The following BTRC variants were observed in gnomAD, a reference collection of about 807,000 sequenced individuals.
BTRC encodes F-box/WD repeat-containing protein 1A.
BTRC carries 42 observed loss-of-function variants against 85.5 expected under a neutral mutation model. The ratio of observed to expected loss-of-function variants is 0.49; its 90% CI spans 0.38 to 0.64. The LOEUF (loss-of-function observed/expected upper bound fraction) is 0.64. Ranked by LOEUF, BTRC falls within the 30% of genes least tolerant of loss-of-function variation. BTRC has a pLI of 0.00. For synonymous variants in BTRC, 255 were observed against 263.3 expected, an observed-to-expected ratio of 0.97 and a Z score of 0.30; for missense variants, 594 against 743.5, an observed-to-expected ratio of 0.80 and a Z score of 2.34.
intron 5 of BTRC, 113 bp from the exon 6 acceptor site, chr10:101,525,900 A>T: frequency 9.7e-7 from 1 of 1,027,382 alleles, no homozygotes; most frequent in Non-Finnish European, 1.4e-6. Context: ...CACTAGGGAC[A>T]ATGATGTGCC....
chr10:101,434,986 G>C (rs1029676261), intron 2 of BTRC, among the ~76,000 whole-genome samples: 1 of 151,762 alleles, frequency 6.6e-6, no homozygotes, highest in East Asian at 1.9e-4. Context: ...TTATGTACTG[G>C]TTTTACCCTA....
At chr10:101,359,087 G>C (rs1446300723) in intron 1 of BTRC, among the ~76,000 whole-genome samples, 1 of 152,040 alleles carries the variant, frequency 6.6e-6, no homozygotes, top group Non-Finnish European at 1.5e-5. Context: ...GATCTCCTGC[G>C]TGACTTCCCT....
intron 3 of BTRC, among the ~76,000 whole-genome samples, chr10:101,464,527 C>A: frequency 6.9e-6 from 1 of 144,428 alleles, no homozygotes; most frequent in Non-Finnish European, 1.5e-5. Flanking sequence ...TTTAATTTAA[C>A]AACCTTCCCC....
rs557585455 is a variant in BTRC, at chr10:101,385,353, C to T, written c.48+31125C>T. Among the ~76,000 whole-genome samples, 338 of 120,704 alleles carry T rather than the reference C, an allele frequency of 2.8e-3. 2 individuals carry two copies. The highest frequency in any genetic ancestry group is 0.01 in the African/African-American group (310 of 30,378). The allele number at this position is 120,704 out of a possible 152,430, so 79.2% of individuals were successfully genotyped here. ...CTGCACTCCAGCCTAGGTGACAGAACGAGACTCTGTCTCAAAAAAAAAAAA... is the reference window on the plus strand; with the variant it reads ...CTGCACTCCAGCCTAGGTGACAGAATGAGACTCTGTCTCAAAAAAAAAAAA... On this transcript the variant is annotated intron_variant, in intron 1 of 14. Coordinates refer to ENST00000370187, the MANE Select transcript of BTRC (RefSeq NM_033637.4).
intron 4 of BTRC, among the ~76,000 whole-genome samples, chr10:101,507,333 T>C (rs1197434733): frequency 6.6e-6 from 1 of 152,236 alleles, no homozygotes; most frequent in East Asian, 1.9e-4. Flanking sequence ...CTGTCAGAGT[T>C]TCTCCTATTA....
chr10:101,365,344 A>G (rs917476388), intron 1 of BTRC, among the ~76,000 whole-genome samples: 1 of 147,214 alleles, frequency 6.8e-6, no homozygotes, highest in African/African-American at 2.5e-5. Context: ...AAGTGCTGGG[A>G]TTACTGGCGT....
At chr10:101,401,310 C>T (rs1451848243) in intron 1 of BTRC, among the ~76,000 whole-genome samples, 2 of 152,140 alleles carry the variant, frequency 1.3e-5, no homozygotes, top group Admixed American at 1.3e-4. Context: ...CTTTACTTAG[C>T]ATAAGGTGAT....
intron 3 of BTRC, among the ~76,000 whole-genome samples, chr10:101,466,900 A>G (rs1390476523): frequency 6.6e-6 from 1 of 152,196 alleles, no homozygotes; most frequent in Non-Finnish European, 1.5e-5. Flanking sequence ...GTAGATCCAC[A>G]AAAAACAGCA....
chr10:101,361,440 A>G (rs567381033), intron 1 of BTRC, among the ~76,000 whole-genome samples: 18 of 152,362 alleles, frequency 1.2e-4, no homozygotes, highest in South Asian at 4.1e-4. Flanking sequence ...AGTCCTTTCT[A>G]AATGTGTATA....
intron 6 of BTRC, among the ~76,000 whole-genome samples, chr10:101,529,539 GAAT>G (rs1564828427): frequency 6.6e-6 from 1 of 152,170 alleles, no homozygotes; most frequent in Non-Finnish European, 1.5e-5. Context: ...AGTGTTTGTA[GAAT>G]AATATTGTAC....
chr10:101,360,057 T>A (rs922417044), intron 1 of BTRC, among the ~76,000 whole-genome samples: 13 of 152,054 alleles, frequency 8.5e-5, no homozygotes, highest in Non-Finnish European at 1.3e-4. Context: ...TCTCTTTTTT[T>A]TAAAAAAACT....
At chr10:101,387,713 G>A (rs375856564) in intron 1 of BTRC, among the ~76,000 whole-genome samples, 41 of 149,546 alleles carry the variant, frequency 2.7e-4, no homozygotes, top group Non-Finnish European at 4.0e-4. Flanking sequence ...TTCTTGAGAC[G>A]GAGTCTTGCT....
intron 1 of BTRC, among the ~76,000 whole-genome samples, chr10:101,423,157 T>C: frequency 6.6e-6 from 1 of 152,126 alleles, no homozygotes; most frequent in Non-Finnish European, 1.5e-5. Context: ...CAAGCAGTCC[T>C]CCCACCTTGG....
intron 4 of BTRC, among the ~76,000 whole-genome samples, chr10:101,519,953 C>A (rs2062079381): frequency 6.6e-6 from 1 of 152,182 alleles, no homozygotes; most frequent in Non-Finnish European, 1.5e-5. Context: ...CGAGATCACG[C>A]TATTGCACTC....
At chr10:101,417,835 CTTT>C (rs891852422) in intron 1 of BTRC, among the ~76,000 whole-genome samples, 2 of 152,010 alleles carry the variant, frequency 1.3e-5, no homozygotes, top group African/African-American at 4.8e-5. Flanking sequence ...ACCATGGCTT[CTTT>C]TTTTCCTGTT....
chr10:101,528,182 C>G (rs1173695183), intron 6 of BTRC, among the ~76,000 whole-genome samples: 1 of 152,144 alleles, frequency 6.6e-6, no homozygotes, highest in African/African-American at 2.4e-5. Flanking sequence ...ACATTGTGTT[C>G]CCATTTGGAC....
At chr10:101,512,658 C>G (rs2061971663) in intron 4 of BTRC, among the ~76,000 whole-genome samples, 2 of 152,172 alleles carry the variant, frequency 1.3e-5, no homozygotes, top group Non-Finnish European at 2.9e-5. Flanking sequence ...TCCCTCCTGG[C>G]CCAGGCTGCA....
chr10:101,532,815 GC>G (rs1486411417), intron 8 of BTRC, 136 bp from the exon 9 acceptor site: 1 of 552,190 alleles, frequency 1.8e-6, no homozygotes, highest in Non-Finnish European at 3.1e-6. Context: ...CGCGCGCTTA[GC>G]TATACCTATA....
intron 2 of BTRC, among the ~76,000 whole-genome samples, chr10:101,454,386 G>C (rs1203619033): frequency 6.6e-6 from 1 of 152,174 alleles, no homozygotes; most frequent in Non-Finnish European, 1.5e-5. Flanking sequence ...ATGGTTTCTT[G>C]GAGAAGATGA....
Sources: allele counts gnomAD v4.1 joint callset (sites outside exome capture counted in the v4.1 genomes callset), GRCh38; gene constraint gnomAD v4.1.1; transcripts MANE v1.5; gene names NCBI Gene and HGNC (gene_info 2026-07-23, HGNC 2026-07-21).